Variants in MAP3K5 observed in about 807,000 individuals in gnomAD.
The protein encoded by MAP3K5 is mitogen-activated protein kinase kinase kinase 5.
A neutral mutation model predicts 158.7 loss-of-function variants in MAP3K5; 56 were observed. The ratio of observed to expected loss-of-function variants is 0.35; its 90% CI spans 0.28 to 0.44. MAP3K5 has a LOEUF of 0.44. Among genes scored for constraint, MAP3K5 ranks in the 20% least tolerant of loss-of-function variants. The pLI is 1.00. For synonymous variants in MAP3K5, 579 were observed against 601.7 expected, an observed-to-expected ratio of 0.96 and a Z score of 0.55; for missense variants, 1,294 against 1,674.8, an observed-to-expected ratio of 0.77 and a Z score of 3.97.
chr6:136,748,869 G>A (rs1783071294), intron 1 of MAP3K5, among the ~76,000 whole-genome samples: 1 of 152,224 alleles, frequency 6.6e-6, no homozygotes, highest in Admixed American at 6.5e-5. Flanking sequence ...TTGGATAACT[G>A]CATAGGCAAT....
At position 136,698,598 on chromosome 6, in the gene MAP3K5, C is replaced by T; in HGVS notation, c.697G>A (p.Gly233Arg). 4 of 1,613,916 alleles carry T rather than the reference C, an allele frequency of 2.5e-6. No individual in the cohort carries two copies. The African/African-American group carries it at 5.3e-5, about 22-fold the overall frequency. Residue 233 changes from glycine (G) to arginine (R), a missense_variant, in exon 4 of 30, where the codon GGG (glycine) becomes AGG (arginine). This residue lies in a region of MAP3K5 where 690 missense variants were observed against 870.5 expected (regional missense o/e 0.79). Coordinates refer to ENST00000359015, the MANE Select transcript of MAP3K5 (RefSeq NM_005923.4). ...TTCGGTTGCATGAGCTCTGTCAACC[C>T]CTTCATGAAGCTGCTGTCACAGCAG... ...VYCCDSSFMK[G>R]LTELMQPNFE...
At chr6:136,644,219 G>T (rs1778130955) in intron 11 of MAP3K5, among the ~76,000 whole-genome samples, 1 of 152,180 alleles carries the variant, frequency 6.6e-6, no homozygotes, top group Non-Finnish European at 1.5e-5. Flanking sequence ...TTCCTGAAAG[G>T]TTGCCAGTGC....
chr6:136,560,019 T>A (rs1830435603), intron 28 of MAP3K5, among the ~76,000 whole-genome samples: 1 of 152,184 alleles, frequency 6.6e-6, no homozygotes, highest in Non-Finnish European at 1.5e-5. Flanking sequence ...TAATAAATTA[T>A]CAAGTCAAAA....
chr6:136,692,511 C>T (rs908663326), intron 7 of MAP3K5, among the ~76,000 whole-genome samples: 4 of 152,114 alleles, frequency 2.6e-5, no homozygotes, highest in Non-Finnish European at 4.4e-5. Context: ...CTATGCGGTG[C>T]CCTTCATCCA....
At chr6:136,776,211 T>C (rs1007232224) in intron 1 of MAP3K5, among the ~76,000 whole-genome samples, 5 of 152,208 alleles carry the variant, frequency 3.3e-5, no homozygotes, top group African/African-American at 1.2e-4. Context: ...GTCACTTGTA[T>C]GCTATTATGG....
chr6:136,711,754 C>T (rs896892315), intron 2 of MAP3K5, among the ~76,000 whole-genome samples: 1 of 152,020 alleles, frequency 6.6e-6, no homozygotes, highest in Non-Finnish European at 1.5e-5. Context: ...TTGTCTGTCT[C>T]GTTGGGTTCT....
chr6:136,611,422 C>T, intron 17 of MAP3K5, 35 bp from the exon 18 acceptor site: 1 of 1,221,392 alleles, frequency 8.2e-7, no homozygotes, highest in Non-Finnish European at 1.2e-6. Flanking sequence ...CAATTGTTAT[C>T]TTTCTTCAGA....
chr6:136,642,391 G>C, intron 12 of MAP3K5, 129 bp downstream of exon 12: 2 of 728,338 alleles, frequency 2.7e-6, no homozygotes, highest in Non-Finnish European at 2.4e-6. Flanking sequence ...AGAAGGCTGG[G>C]CATTTCCACC....
chr6:136,606,867 A>G (rs907400136), intron 18 of MAP3K5, among the ~76,000 whole-genome samples: 1 of 152,252 alleles, frequency 6.6e-6, no homozygotes, highest in Non-Finnish European at 1.5e-5. Context: ...TCCTCTGAAA[A>G]GCACTATCAT....
At chr6:136,620,610 A>G (rs1776756430) in intron 15 of MAP3K5, among the ~76,000 whole-genome samples, 1 of 152,188 alleles carries the variant, frequency 6.6e-6, no homozygotes, top group Non-Finnish European at 1.5e-5. Context: ...AGTCAAGGGC[A>G]GCCAGAGTCA....
Position 136,764,349 on chromosome 6 carries a change from T to A in MAP3K5, c.448+27361A>T, listed in dbSNP as rs188940835. On this transcript the variant is annotated intron_variant, in intron 1 of 29. Transcript: ENST00000359015. ...AAACCTAACAGACTGATAGCTTCCA[T>A]GTCCTTCTTCTTGGAACATTCACTC... 7.2e-5 allele frequency among the ~76,000 whole-genome samples: 11 copies of A among 152,350 alleles called. No homozygotes were observed. The East Asian group carries it at 2.1e-3, about 29-fold the overall frequency.
chr6:136,783,515 G>T (rs1046715462), intron 1 of MAP3K5, among the ~76,000 whole-genome samples: 7 of 152,118 alleles, frequency 4.6e-5, no homozygotes, highest in Non-Finnish European at 8.8e-5. Context: ...TTTTCCCAAA[G>T]CTGTGGGTTC....
chr6:136,785,959 A>G (rs1784827161), intron 1 of MAP3K5, among the ~76,000 whole-genome samples: 1 of 152,194 alleles, frequency 6.6e-6, no homozygotes, highest in Non-Finnish European at 1.5e-5. Flanking sequence ...TACTGTTTCT[A>G]AGAAAAGTGT....
At position 136,637,032 on chromosome 6, in the gene MAP3K5, G is replaced by C. The variant is rs1777669457; in HGVS notation, c.2016+293C>G. 1.0e-5 allele frequency: 12 copies of C among 1,180,756 alleles called. No homozygotes were observed. The Admixed American group carries it at 1.3e-4, about 13-fold the overall frequency. The allele number at this position is 1,180,756 out of a possible 1,614,324, so 73.1% of individuals were successfully genotyped here. A position where few individuals can be genotyped will look rare whatever the true frequency, so the allele number is the denominator to read the frequency against. On this transcript the variant is annotated intron_variant, in intron 14 of 29. Transcript: ENST00000359015. ...ATTGCACATATCTCAGAGGAGAATA[G>C]AGAATGTGTAAGGACACCGTGGCCC...
At chr6:136,656,226 C>T in intron 10 of MAP3K5, 81 bp downstream of exon 10, 1 of 1,265,020 alleles carries the variant, frequency 7.9e-7, no homozygotes, top group Non-Finnish European at 1.1e-6. Flanking sequence ...CAAAAATCAG[C>T]CCCCAAGCAC....
chr6:136,629,254 CGGCGGGGGCTTAATCACATTA>C (rs2129099984), intron 14 of MAP3K5: 1 of 152,146 alleles, frequency 6.6e-6, no homozygotes, highest in East Asian at 1.9e-4. Flanking sequence ...CATGCACTTT[CGGCGGGGGCTTAATCACATTA>C]GGTGAGTAAT....
At chr6:136,753,440 T>C (rs746813595) in intron 1 of MAP3K5, among the ~76,000 whole-genome samples, 16 of 152,074 alleles carry the variant, frequency 1.1e-4, no homozygotes, top group Non-Finnish European at 2.1e-4. Flanking sequence ...CCTTGCCAAG[T>C]TATAAATTAT....
At chr6:136,730,721 C>CAA (rs377188561) in intron 1 of MAP3K5, among the ~76,000 whole-genome samples, 423 of 86,338 alleles carry the variant, frequency 4.9e-3, no homozygotes, top group East Asian at 0.023. Flanking sequence ...AACTCTGCCT[C>CAA]AAAAAAAAAA....
intron 14 of MAP3K5, among the ~76,000 whole-genome samples, chr6:136,629,550 G>T (rs1583300254): frequency 6.7e-6 from 1 of 150,100 alleles, no homozygotes; most frequent in Non-Finnish European, 1.5e-5. Context: ...CGCCTCCCAG[G>T]TTCACGCCAT....
Sources: allele counts gnomAD v4.1 joint callset (sites outside exome capture counted in the v4.1 genomes callset), GRCh38; gene constraint gnomAD v4.1.1; regional missense constraint gnomAD v4.1.1; transcripts MANE v1.5; gene names NCBI Gene and HGNC (gene_info 2026-07-23, HGNC 2026-07-21).